Variants in CRACDL observed in about 807,000 individuals in gnomAD.
CRACDL encodes the protein CRACD-like protein.
A neutral mutation model predicts 70.6 loss-of-function variants in CRACDL; 26 were observed. The observed-to-expected ratio is 0.37, with a 90% CI of 0.27 to 0.51. CRACDL has a LOEUF of 0.51. Among genes scored for constraint, CRACDL ranks in the 20% least tolerant of loss-of-function variants. The pLI is 0.94. For missense variants in CRACDL, 1,283 were observed against 1,376.9 expected, an observed-to-expected ratio of 0.93 and a Z score of 1.08; for synonymous variants, 618 against 615.2, an observed-to-expected ratio of 1.00 and a Z score of -0.07.
Position 98,794,461 on chromosome 2 carries a change from C to A in CRACDL, c.*71G>T. On this transcript the variant is annotated 3_prime_UTR_variant, in exon 10 of 10. Coordinates refer to ENST00000397899, the MANE Select transcript of CRACDL (RefSeq NM_207362.3). Reference sequence around the variant, plus strand: ...TTTAAGTTTCACAGTTTGTTTGCCACAATACACTGGCAGTTTTTAACTAAG... The same window carrying A: ...TTTAAGTTTCACAGTTTGTTTGCCAAAATACACTGGCAGTTTTTAACTAAG... The A allele has an allele frequency of 7.5e-7, 1 of 1,340,708 alleles. No individual in the cohort carries two copies. The highest frequency in any genetic ancestry group is 1.1e-6 in the Non-Finnish European group (1 of 946,940). 83.1% of individuals were successfully genotyped at this position (1,340,708 alleles called of 1,614,324 possible).
Position 98,796,174 on chromosome 2 carries a change from G to A in CRACDL, c.2695C>T (p.Leu899Phe). 6.2e-7 allele frequency: 1 copy of A among 1,614,176 alleles called. No homozygotes were observed. The highest frequency in any genetic ancestry group is 8.5e-7 in the Non-Finnish European group (1 of 1,179,996). Reference sequence around the variant, plus strand: ...CTTTGCAGCCCCTCCTTGAAGTTGAGCTTTGCCCCCTGCTTCCGGTCCACA... The same window carrying A: ...CTTTGCAGCCCCTCCTTGAAGTTGAACTTTGCCCCCTGCTTCCGGTCCACA... Reference protein sequence around the residue: ...PAVDRKQGAKLNFKEGLQRGI... With the variant: ...PAVDRKQGAKFNFKEGLQRGI... The change falls in exon 9 of 10, where the codon CTC becomes TTC. Residue 899 changes from leucine to phenylalanine, a missense_variant. Leu to Phe is a conservative substitution (Grantham distance 22, BLOSUM62 0). This residue lies in a region of CRACDL where 921 missense variants were observed against 881.9 expected (regional missense o/e 1.04). Coordinates refer to ENST00000397899, the MANE Select transcript of CRACDL (RefSeq NM_207362.3).
At chr2:98,933,389 G>A (rs150564723) in intron 1 of CRACDL, among the ~76,000 whole-genome samples, 1 of 152,288 alleles carries the variant, frequency 6.6e-6, no homozygotes, top group African/African-American at 2.4e-5. Context: ...ACTCCCACCA[G>A]GGACGAAGCT....
intron 7 of CRACDL, among the ~76,000 whole-genome samples, chr2:98,800,467 A>G (rs542676238): frequency 1.3e-5 from 2 of 152,254 alleles, no homozygotes; most frequent in South Asian, 4.1e-4. Context: ...GGTTGTGTGG[A>G]GAATCAGTCT....
intron 1 of CRACDL, among the ~76,000 whole-genome samples, chr2:98,862,141 A>C (rs142208522): frequency 2.1e-3 from 326 of 152,268 alleles, no homozygotes; most frequent in Admixed American, 3.5e-3. Context: ...CAACTACATA[A>C]GGGGAGATTA....
At chr2:98,919,250 T>G (rs1467093703) in intron 1 of CRACDL, among the ~76,000 whole-genome samples, 1 of 152,234 alleles carries the variant, frequency 6.6e-6, no homozygotes, top group Non-Finnish European at 1.5e-5. Context: ...TAGTTTGAAC[T>G]CAGGTAATGT....
rs763786735 is a variant in CRACDL at position 98,838,221 on chromosome 2, G to A, written c.137C>T (p.Pro46Leu). 5.0e-6 allele frequency: 8 copies of A among 1,613,562 alleles called. No homozygotes were observed. In the Admixed American group the frequency reaches 6.7e-5, roughly 13 times the overall value. ...FFGKKKRKES[P>L]SSTGSSTWKQ... ...CCAGGTGCTACTTCCTGTGGACGACGGCGATTCTTTTCTCTTCTTCTTCCC... is the reference window on the plus strand; with the variant it reads ...CCAGGTGCTACTTCCTGTGGACGACAGCGATTCTTTTCTCTTCTTCTTCCC... Residue 46 changes from proline (P) to leucine (L), a missense_variant, in exon 3 of 10, where the codon CCG (proline) becomes CTG (leucine). Physicochemically the swap from Pro to Leu is moderately conservative, Grantham distance 98. Coordinates refer to ENST00000397899, the MANE Select transcript of CRACDL (RefSeq NM_207362.3).
intron 1 of CRACDL, among the ~76,000 whole-genome samples, chr2:98,899,661 A>G (rs1708214988): frequency 6.6e-6 from 1 of 152,196 alleles, no homozygotes; most frequent in Non-Finnish European, 1.5e-5. Context: ...TCTATGGAGG[A>G]AATGAGAGAA....
At chr2:98,919,625 G>A (rs1185329406) in intron 1 of CRACDL, among the ~76,000 whole-genome samples, 2 of 152,008 alleles carry the variant, frequency 1.3e-5, no homozygotes, top group Non-Finnish European at 2.9e-5. Context: ...ATGAGCAAGG[G>A]GCTTGATGGT....
chr2:98,926,562 G>T (rs1309309575), intron 1 of CRACDL, among the ~76,000 whole-genome samples: 1 of 152,134 alleles, frequency 6.6e-6, no homozygotes, highest in African/African-American at 2.4e-5. Context: ...GCTGCACTTG[G>T]GGTTGCTAAA....
chr2:98,821,932 C>CG lies in CRACDL; in HGVS notation c.2340dup (p.Asp781ArgfsTer26). On this transcript the variant is annotated frameshift_variant, in exon 7 of 10. Transcript: ENST00000397899. LOFTEE classifies it high-confidence loss of function. The stretch of plus-strand genomic sequence containing the variant: ...GGTTCCCGCTCTCCCGGGCCGGCGT[C>CG]GGGGGGCGCGGGCTGGTGCGGGAGC... 4 of 1,567,758 alleles carry CG rather than the reference C, an allele frequency of 2.6e-6. No homozygotes were observed. Among genetic ancestry groups the CG allele is most frequent in the East Asian group, 2.4e-5 (1 of 42,398 alleles).
rs747415781 is a variant in CRACDL at position 98,823,021 on chromosome 2, G to C, written c.1252C>G (p.Pro418Ala). ...EGDTTPPETD[P>A]AATSEAPSAR... ...GAGGGCGCCTCTGAGGTGGCGGCGG[G>C]GTCAGTCTCGGGGGGAGTCGTGTCC... The change falls in exon 7 of 10, where the codon CCC (proline) becomes GCC (alanine). Residue 418 changes from proline (P) to alanine (A), a missense_variant. This residue lies in a region of CRACDL where 921 missense variants were observed against 881.9 expected (regional missense o/e 1.04). Coordinates refer to ENST00000397899, the MANE Select transcript of CRACDL (RefSeq NM_207362.3). This position sits in a 1 kb window ranked among gnomAD's most constrained non-coding sequence, Gnocchi z 4.0. 2 of 1,524,692 alleles carry C rather than the reference G, an allele frequency of 1.3e-6. No homozygotes were observed. The highest frequency in any genetic ancestry group is 2.9e-5 in the African/African-American group (2 of 69,358). The allele number at this position is 1,524,692 out of a possible 1,614,324, so 94.4% of individuals were successfully genotyped here.
intron 7 of CRACDL, among the ~76,000 whole-genome samples, chr2:98,811,125 T>C (rs1184849333): frequency 1.3e-5 from 2 of 152,100 alleles, no homozygotes; most frequent in South Asian, 2.1e-4. Flanking sequence ...GGAAACACGA[T>C]GAATCTGGTG....
In CRACDL at chr2:98,821,986, G is replaced by C; in HGVS notation, c.2287C>G (p.Pro763Ala). ...PEPLSSKPPL[P>A]RKPLLQSFTL... ...AAGCTCTGCAGAAGCGGCTTCCGGG[G>C]CAGGGGCGGCTTGGAGCTGAGCGGC... The change falls in exon 7 of 10, where the codon CCC (proline) becomes GCC (alanine). Residue 763 changes from proline (P) to alanine (A), a missense_variant. By Grantham distance (27) the Pro-to-Ala change is conservative (BLOSUM62 -1). Around this residue, in one of 2 missense-constraint regions of CRACDL, gnomAD observed 921 missense variants for 881.9 expected, o/e 1.04. Transcript: ENST00000397899. 3.3e-6 allele frequency: 5 copies of C among 1,530,022 alleles called. No homozygotes were observed. The highest frequency in any genetic ancestry group is 3.5e-6 in the Non-Finnish European group (4 of 1,139,126). The allele number at this position is 1,530,022 out of a possible 1,614,324, so 94.8% of individuals were successfully genotyped here.
rs369121202 is a variant in CRACDL, at chr2:98,823,416, G to A, written c.857C>T (p.Ala286Val). 2 of 1,568,176 alleles carry A rather than the reference G, an allele frequency of 1.3e-6. No individual in the cohort carries two copies. The highest frequency in any genetic ancestry group is 1.2e-5 in the South Asian group (1 of 86,716). Reference protein sequence around the residue: ...ERPSSGQQDVAPDRGPEPGPP... With the variant: ...ERPSSGQQDVVPDRGPEPGPP... ...CCCAGGCTCAGGGCCTCTGTCTGGC[G>A]CCACGTCCTGCTGCCCAGAGCTGGG... The change falls in exon 7 of 10, where the codon GCG (alanine) becomes GTG (valine). Residue 286 changes from alanine (A) to valine (V), a missense_variant. Coordinates refer to ENST00000397899, the MANE Select transcript of CRACDL (RefSeq NM_207362.3). The surrounding 1 kb of genome is among the most constrained non-coding windows in gnomAD (Gnocchi z 4.0).
intron 1 of CRACDL, among the ~76,000 whole-genome samples, chr2:98,888,113 A>G (rs1707845665): frequency 6.6e-6 from 1 of 152,254 alleles, no homozygotes; most frequent in Non-Finnish European, 1.5e-5. Flanking sequence ...AAGACATTCC[A>G]AGATAAACAA....
chr2:98,802,624 T>C (rs2104410977), intron 7 of CRACDL, among the ~76,000 whole-genome samples: 1 of 152,380 alleles, frequency 6.6e-6, no homozygotes, highest in Middle Eastern at 3.4e-3. Flanking sequence ...TTAGTTCTTT[T>C]AGTGCCTATT....
intron 2 of CRACDL, among the ~76,000 whole-genome samples, chr2:98,846,152 A>G (rs1343387468): frequency 6.6e-6 from 1 of 152,204 alleles, no homozygotes; most frequent in Non-Finnish European, 1.5e-5. Flanking sequence ...CAACTCTATC[A>G]GGACATAAAT....
intron 1 of CRACDL, among the ~76,000 whole-genome samples, chr2:98,910,759 C>G (rs1053346414): frequency 3.3e-5 from 5 of 152,232 alleles, no homozygotes; most frequent in Admixed American, 6.5e-5. Context: ...TAGCTCCATT[C>G]ACCTGCTGGT....
intron 1 of CRACDL, among the ~76,000 whole-genome samples, chr2:98,900,664 C>T (rs1048400603): frequency 1.3e-5 from 2 of 152,000 alleles, no homozygotes; most frequent in African/African-American, 2.4e-5. Context: ...TGGAGGGTGG[C>T]GGTGCTGTTT....
Sources: gnomAD v4.1 joint callset for allele counts (sites outside exome capture counted in the v4.1 genomes callset) on GRCh38, gnomAD v4.1.1 for gene constraint, gnomAD v4.1.1 regional missense constraint, Gnocchi (gnomAD v3.1) non-coding constraint, MANE v1.5 for transcripts, NCBI Gene and HGNC (gene_info 2026-07-23, HGNC 2026-07-21) for gene names.